TRPM5: variants seen among roughly 807,000 people sequenced by gnomAD.
The protein encoded by TRPM5 is MLSN1 and TRP-related.
In TRPM5, 121 loss-of-function variants were observed where a neutral mutation model predicts 124.9. The observed-to-expected ratio is 0.97, with a 90% CI of 0.84 to 1.13. The LOEUF (loss-of-function observed/expected upper bound fraction) is 1.13, where lower values mean the gene tolerates loss of function less well. Among genes scored for constraint, TRPM5 ranks in the 50% most tolerant of loss-of-function variants. The pLI is 0.00. For synonymous variants in TRPM5, 781 were observed against 700.5 expected, an observed-to-expected ratio of 1.11 and a Z score of -1.81; for missense variants, 1,643 against 1,589.1, an observed-to-expected ratio of 1.03 and a Z score of -0.58.
chr11:2,408,030 G>A (rs1850359963), intron 18 of TRPM5, 118 bp from the exon 24 acceptor site: 2 of 1,341,038 alleles, frequency 1.5e-6, no homozygotes, highest in Middle Eastern at 2.7e-4. Context: ...CGGGGTGCTG[G>A]TTGGGTGACC....
At chr11:2,417,285 A>T (rs1845700695) in intron 7 of TRPM5, among the ~76,000 whole-genome samples, 1 of 152,198 alleles carries the variant, frequency 6.6e-6, no homozygotes, top group African/African-American at 2.4e-5. Flanking sequence ...CCCCGTCTCT[A>T]CTAAAAATAC....
chr11:2,414,014 C>CCCCCCCCCCCCCCCCCCCCCCCCCCCA, intron 12 of TRPM5, 47 bp downstream of exon 17: 1 of 533,206 alleles, frequency 1.9e-6, no homozygotes. Flanking sequence ...AGCTCGCCCG[C>CCCCCCCCCCCCCCCCCCCCCCCCCCCA]CCACCCCACC....
the TRPM5 span, among the ~76,000 whole-genome samples, chr11:2,435,178 C>T: frequency 6.0e-4 from 91 of 152,050 alleles, 2 homozygotes; most frequent in South Asian, 0.016. This position sits in a 1 kb window ranked among gnomAD's most constrained non-coding sequence, Gnocchi z 4.1. Context: ...CAAGGGGATA[C>T]GTGAGAAAGA....
exon 10 of TRPM5, chr11:2,414,933 C>T (rs760968426): frequency 8.7e-6 from 14 of 1,604,146 alleles, no homozygotes; most frequent in East Asian, 2.2e-5. Context: ...GTGGCCATCT[C>T]GTGGCGGTTC....
At chr11:2,407,454 C>T (rs1198275633) in intron 19 of TRPM5, among the ~76,000 whole-genome samples, 154 bp from the exon 25 acceptor site, 1 of 152,186 alleles carries the variant, frequency 6.6e-6, no homozygotes, top group African/African-American at 2.4e-5. Context: ...ACGAGGGGTC[C>T]ACTCTCCTTG....
the TRPM5 span, among the ~76,000 whole-genome samples, chr11:2,429,276 T>C: frequency 6.6e-6 from 1 of 150,906 alleles, no homozygotes; most frequent in Non-Finnish European, 1.5e-5. This position sits in a 1 kb window ranked among gnomAD's most constrained non-coding sequence, Gnocchi z 8.4. Context: ...GTGATGGTGA[T>C]GATGATAGTG....
the TRPM5 span, among the ~76,000 whole-genome samples, chr11:2,431,473 G>T: frequency 6.6e-6 from 1 of 152,128 alleles, no homozygotes; most frequent in South Asian, 2.1e-4. Context: ...GGGAGGCACA[G>T]TCCTTCCTCT....
At chr11:2,415,973 A>G (rs1845667367) in exon 8 of TRPM5, 18 of 1,584,180 alleles carry the variant, frequency 1.1e-5, no homozygotes, top group Non-Finnish European at 1.5e-5. Context: ...GGCCACGGCC[A>G]GCTTGAGCTC....
At chr11:2,412,790 G>A in exon 15 of TRPM5, 1 of 1,608,178 alleles carries the variant, frequency 6.2e-7, no homozygotes, top group Non-Finnish European at 8.5e-7. Context: ...TAAAGACCCA[G>A]AAGTAGAGGG....
chr11:2,413,445 C>T (rs753475024), intron 13 of TRPM5, 31 bp downstream of exon 18: 2 of 1,579,330 alleles, frequency 1.3e-6, no homozygotes, highest in Non-Finnish European at 1.7e-6. Flanking sequence ...TGCTGCCTGT[C>T]CTGGCCGGGC....
chr11:2,408,241 C>G (rs1850364933), intron 18 of TRPM5, among the ~76,000 whole-genome samples: 1 of 152,112 alleles, frequency 6.6e-6, no homozygotes, highest in African/African-American at 2.4e-5. Flanking sequence ...AGGTGGGGGA[C>G]AGAGGGGTCA....
At chr11:2,437,393 C>T in the TRPM5 span, among the ~76,000 whole-genome samples, 11 of 152,096 alleles carry the variant, frequency 7.2e-5, no homozygotes, top group East Asian at 1.9e-4. The surrounding 1 kb of genome is among the most constrained non-coding windows in gnomAD (Gnocchi z 5.6). Context: ...TGCATGTGGA[C>T]CTGCTTCTGG....
At chr11:2,424,389 G>A (rs115044002), upstream of TRPM5, among the ~76,000 whole-genome samples, 670 of 152,374 alleles carry the variant, frequency 4.4e-3, 6 homozygotes, top group African/African-American at 0.015. Context: ...AGCCAGCACA[G>A]TTACTGCATC....
intron 18 of TRPM5, chr11:2,410,781 G>A (rs1020204771): frequency 2.4e-6 from 1 of 421,070 alleles, no homozygotes; most frequent in Admixed American, 2.8e-5. Flanking sequence ...ACACACATTG[G>A]GGTGGGTCCC....
At chr11:2,414,323 A>C in intron 11 of TRPM5, 117 bp from the exon 17 acceptor site, 1 of 1,400,196 alleles carries the variant, frequency 7.1e-7, no homozygotes, top group Non-Finnish European at 9.5e-7. Flanking sequence ...TGCGTTCAAC[A>C]CGCAGGGCCC....
chr11:2,436,859 C>T, the TRPM5 span, among the ~76,000 whole-genome samples: 1 of 152,264 alleles, frequency 6.6e-6, no homozygotes, highest in Admixed American at 6.5e-5. Flanking sequence ...GCAGTGACAT[C>T]AGATGACCTA....
chr11:2,442,667 C>T, the TRPM5 span, among the ~76,000 whole-genome samples: 3 of 152,238 alleles, frequency 2.0e-5, no homozygotes, highest in Middle Eastern at 3.4e-3. The surrounding 1 kb of genome is among the most constrained non-coding windows in gnomAD (Gnocchi z 5.9). Flanking sequence ...TTAGTAATAT[C>T]GCTAGGTCTC....
At chr11:2,414,682 G>T (rs765261438) in intron 11 of TRPM5, 33 bp downstream of exon 16, 2 of 1,506,528 alleles carry the variant, frequency 1.3e-6, no homozygotes, top group South Asian at 1.2e-5. Context: ...CCTCCCCCGC[G>T]CGCGGGCCCG....
Position 2,414,194 on chromosome 11 carries a change from T to TC in TRPM5, c.1756dup (p.Glu586GlyfsTer7). On this transcript the variant is annotated frameshift_variant, in exon 12 of 24. Coordinates refer to ENST00000155858, the Ensembl canonical transcript of TRPM5. LOFTEE classifies it high-confidence loss of function. ...GCGGGCCTCACTGTTGCTGTAGCAC[T>TC]CGGAGAAGAGGTCTGCCCCCGGAGG... is the stretch of plus-strand genomic sequence containing the variant. The TC allele has an allele frequency of 6.2e-7, 1 of 1,609,446 alleles. No homozygotes were observed. The highest frequency in any genetic ancestry group is 8.5e-7 in the Non-Finnish European group (1 of 1,178,782).
Sources: gnomAD v4.1 joint callset for allele counts (sites outside exome capture counted in the v4.1 genomes callset) on GRCh38, gnomAD v4.1.1 for gene constraint, Gnocchi (gnomAD v3.1) non-coding constraint, MANE v1.5 for transcripts, NCBI Gene and HGNC (gene_info 2026-07-23, HGNC 2026-07-21) for gene names.